PRMT3: variants seen among roughly 807,000 people sequenced by gnomAD.
PRMT3 encodes protein arginine N-methyltransferase 3.
Under a neutral mutation model 71.9 loss-of-function variants are expected in PRMT3, and 62 were observed. The observed-to-expected ratio is 0.86, with a 90% confidence interval of 0.70 to 1.07. The LOEUF (loss-of-function observed/expected upper bound fraction) is 1.07, where lower values mean the gene tolerates loss of function less well. Among genes scored for constraint, PRMT3 ranks in the 50% least tolerant of loss-of-function variants. The probability of loss-of-function intolerance (pLI) is 0.00; values close to 1 mark genes in which losing one functional copy is unlikely to be tolerated. For synonymous variants in PRMT3, 213 were observed against 220.4 expected, an observed-to-expected ratio of 0.97 and a Z score of 0.30; for missense variants, 663 against 643.0, an observed-to-expected ratio of 1.03 and a Z score of -0.34.
chr11:20,504,604 C>T (rs559148660), intron 15 of PRMT3, among the ~76,000 whole-genome samples: 65 of 152,054 alleles, frequency 4.3e-4, no homozygotes, highest in Non-Finnish European at 7.8e-4. Context: ...GAGTGGGTCT[C>T]TCCATTTATG....
chr11:20,505,195 A>G lies in PRMT3; in HGVS notation c.1487-3109A>G, dbSNP rs769836877. Among the ~76,000 whole-genome samples the G allele has an allele frequency of 2.0e-5, 3 of 152,182 alleles. No individual in the cohort carries two copies. In the East Asian group the frequency reaches 5.8e-4, roughly 29 times the overall value. ...TTTGCATATAGCTTCAGGATTTTCT[A>G]TGTATAAAACCAGGTAGTATGCAAA... On this transcript the variant is annotated intron_variant, in intron 15 of 15. Coordinates refer to ENST00000331079, the MANE Select transcript of PRMT3 (RefSeq NM_005788.4).
chr11:20,477,761 T>C (rs1850827829), intron 13 of PRMT3, among the ~76,000 whole-genome samples: 1 of 151,150 alleles, frequency 6.6e-6, no homozygotes, highest in African/African-American at 2.4e-5. Flanking sequence ...TTAATAGAGA[T>C]AGTGAACTGT....
At chr11:20,411,773 AT>A (rs1245653819) in intron 9 of PRMT3, among the ~76,000 whole-genome samples, 1 of 152,188 alleles carries the variant, frequency 6.6e-6, no homozygotes, top group African/African-American at 2.4e-5. Context: ...TTTGCAAAAA[AT>A]AATCACATTT....
At chr11:20,475,187 A>G (rs1462682326) in intron 13 of PRMT3, among the ~76,000 whole-genome samples, 1 of 152,274 alleles carries the variant, frequency 6.6e-6, no homozygotes, top group Non-Finnish European at 1.5e-5. Flanking sequence ...GCACAAAGCA[A>G]GGAGGCTTGA....
rs760563938 is a variant in PRMT3, at chr11:20,392,169, T to C, written c.248-42T>C. On this transcript the variant is annotated intron_variant, in intron 3 of 15. Transcript: ENST00000331079. The stretch of plus-strand genomic sequence containing the variant: ...ATAGAATAGGTCAGTTAAACAAAAC[T>C]CATTATGTTAACATAGGTGAATTAT... The C allele has an allele frequency of 2.6e-6, 4 of 1,547,650 alleles. No homozygotes were observed. The South Asian group carries it at 4.7e-5, about 18-fold the overall frequency.
chr11:20,459,320 G>A (rs1475101512), intron 11 of PRMT3, among the ~76,000 whole-genome samples: 2 of 152,120 alleles, frequency 1.3e-5, no homozygotes, highest in Non-Finnish European at 2.9e-5. Flanking sequence ...AACTCCAGAG[G>A]ATATTCAGTT....
At chr11:20,398,011 T>TG (rs1319004022) in intron 7 of PRMT3, among the ~76,000 whole-genome samples, 2 of 59,054 alleles carry the variant, frequency 3.4e-5, no homozygotes, top group African/African-American at 1.1e-4. Context: ...CTGTCTCTAT[T>TG]TAAAAAAAAA....
At chr11:20,473,365 T>G (rs1369379636) in intron 13 of PRMT3, among the ~76,000 whole-genome samples, 1 of 152,148 alleles carries the variant, frequency 6.6e-6, no homozygotes, top group African/African-American at 2.4e-5. Context: ...ATGTGTACAT[T>G]TAGTGCTATA....
chr11:20,497,888 C>T (rs1195005168), intron 15 of PRMT3, among the ~76,000 whole-genome samples: 1 of 152,022 alleles, frequency 6.6e-6, no homozygotes, highest in Admixed American at 6.6e-5. Context: ...CAAAGGAAAA[C>T]AAAATGGATA....
Position 20,434,325 on chromosome 11 carries a change from TG to T in PRMT3, c.993+7461del, listed in dbSNP as rs1484010751. ...AAATATTTTCTTGCATTCTAAGGGT[TG>T]TCTGTTTACTCTGTTGATGGTTTCT... On this transcript the variant is annotated intron_variant, in intron 10 of 15. Transcript: ENST00000331079. Among the ~76,000 whole-genome samples the T allele has an allele frequency of 2.0e-5, 3 of 152,216 alleles. No homozygotes were observed. In the East Asian group the frequency reaches 5.8e-4, roughly 29 times the overall value.
At chr11:20,413,318 G>A (rs1306339942) in intron 9 of PRMT3, among the ~76,000 whole-genome samples, 2 of 152,156 alleles carry the variant, frequency 1.3e-5, no homozygotes, top group African/African-American at 4.8e-5. Flanking sequence ...TATCACTGCA[G>A]TTTACTGACT....
At position 20,393,007 on chromosome 11, in the gene PRMT3, G is replaced by T; in HGVS notation, c.400+8G>T. ...ACCTTTTACTTCAATTTGGTAAGAT[G>T]AACATAAGTGTATCTCCTTTAATTA... On this transcript the variant is annotated splice_region_variant and intron_variant, in intron 5 of 15. Transcript: ENST00000331079. 1.3e-6 allele frequency: 2 copies of T among 1,515,876 alleles called. No homozygotes were observed. Among genetic ancestry groups the T allele is most frequent in the South Asian group, 2.3e-5 (2 of 88,558 alleles). 93.9% of individuals were successfully genotyped at this position (1,515,876 alleles called of 1,614,324 possible).
chr11:20,484,548 A>G (rs1402737334), intron 13 of PRMT3, among the ~76,000 whole-genome samples: 1 of 152,120 alleles, frequency 6.6e-6, no homozygotes. Context: ...GATGTGTATT[A>G]TAAGGGGGAG....
chr11:20,460,873 C>A (rs1313346800), intron 11 of PRMT3, among the ~76,000 whole-genome samples: 1 of 152,160 alleles, frequency 6.6e-6, no homozygotes, highest in African/African-American at 2.4e-5. Context: ...TACATCTCAT[C>A]CTTTCCATTC....
chr11:20,461,563 T>G (rs1016204821), intron 11 of PRMT3, among the ~76,000 whole-genome samples: 1 of 152,226 alleles, frequency 6.6e-6, no homozygotes, highest in African/African-American at 2.4e-5. Context: ...TATAAAACCC[T>G]ATTACATGAT....
chr11:20,392,185 G>A, intron 3 of PRMT3, 26 bp from the exon 4 acceptor site: 1 of 1,565,610 alleles, frequency 6.4e-7, no homozygotes, highest in East Asian at 2.3e-5. Flanking sequence ...TGTTAACATA[G>A]GTGAATTATC....
At chr11:20,396,314 A>G (rs1450431010) in intron 6 of PRMT3, among the ~76,000 whole-genome samples, 5 of 152,096 alleles carry the variant, frequency 3.3e-5, no homozygotes, top group African/African-American at 1.2e-4. Flanking sequence ...GGTTTGGGGA[A>G]AATACAGGGT....
chr11:20,444,000 A>G (rs1849967126), intron 10 of PRMT3, among the ~76,000 whole-genome samples: 1 of 152,192 alleles, frequency 6.6e-6, no homozygotes, highest in Non-Finnish European at 1.5e-5. Context: ...TAGGGACCTA[A>G]TAAGTAGCCG....
chr11:20,446,493 A>G (rs987283007), intron 10 of PRMT3, among the ~76,000 whole-genome samples: 2 of 152,036 alleles, frequency 1.3e-5, no homozygotes, highest in Non-Finnish European at 1.5e-5. Flanking sequence ...GTTTTAACAT[A>G]GTCAAATGTA....
Sources: gnomAD v4.1 joint callset for allele counts (sites outside exome capture counted in the v4.1 genomes callset) on GRCh38, gnomAD v4.1.1 for gene constraint, MANE v1.5 for transcripts, NCBI Gene and HGNC (gene_info 2026-07-23, HGNC 2026-07-21) for gene names.